The following PID1 variants were observed in gnomAD, a reference collection of about 807,000 sequenced individuals.
The protein encoded by PID1 is phosphotyrosine interaction domain containing 1.
In PID1, 10 loss-of-function variants were observed where a neutral mutation model predicts 19.1. That is an observed-to-expected ratio of 0.52 (90% CI 0.32 to 0.89). The LOEUF (loss-of-function observed/expected upper bound fraction) is 0.89. PID1 is among the 40% of genes least tolerant of loss of function. The pLI, the probability that PID1 is intolerant of heterozygous loss-of-function variation, is 0.03. For missense variants in PID1, 248 were observed against 285.3 expected (o/e 0.87, Z 0.94); for synonymous variants, 130 against 116.0 (o/e 1.12, Z -0.78).
At chr2:229,267,250 T>C (rs1251426970) in intron 1 of PID1, among the ~76,000 whole-genome samples, 1 of 152,182 alleles carries the variant, frequency 6.6e-6, no homozygotes, top group South Asian at 2.1e-4. Context: ...TTCTCCCTCT[T>C]GTGGAAGTGC....
chr2:229,187,614 G>T (rs1325410939), intron 1 of PID1, among the ~76,000 whole-genome samples: 1 of 152,024 alleles, frequency 6.6e-6, no homozygotes, highest in Non-Finnish European at 1.5e-5. Context: ...ACAATACCTG[G>T]GAATTCAAGA....
chr2:229,125,234 T>C (rs918611498), intron 2 of PID1, among the ~76,000 whole-genome samples: 11 of 152,184 alleles, frequency 7.2e-5, no homozygotes, highest in African/African-American at 2.7e-4. Flanking sequence ...ACATTCTAAA[T>C]GGAAGAGGCT....
At chr2:229,151,468 C>T (rs1312485680) in intron 2 of PID1, among the ~76,000 whole-genome samples, 1 of 152,124 alleles carries the variant, frequency 6.6e-6, no homozygotes, top group African/African-American at 2.4e-5. Context: ...TGGCTCTATG[C>T]CATGAAAAGT....
intron 1 of PID1, among the ~76,000 whole-genome samples, chr2:229,218,427 G>T (rs10498234): frequency 0.16 from 23,548 of 151,672 alleles, 2,129 homozygotes; most frequent in Admixed American, 0.25. Context: ...TGCACAAGTC[G>T]TAATCACAGA....
intron 2 of PID1, among the ~76,000 whole-genome samples, chr2:229,104,625 A>G (rs1695138409): frequency 6.6e-6 from 1 of 152,142 alleles, no homozygotes; most frequent in Admixed American, 6.5e-5. Flanking sequence ...ATCCCAACTT[A>G]GGCAGTGCTC....
chr2:229,031,173 G>C (rs1693543960), intron 2 of PID1, among the ~76,000 whole-genome samples: 1 of 129,896 alleles, frequency 7.7e-6, no homozygotes, highest in South Asian at 2.3e-4. Context: ...CTGAGATCGT[G>C]CTACTGCACT....
chr2:229,265,922 G>A lies in PID1; in HGVS notation c.30+5092C>T, dbSNP rs559474065. Among the ~76,000 whole-genome samples, 28 of 152,242 alleles carry A rather than the reference G, an allele frequency of 1.8e-4. No individual in the cohort carries two copies. The East Asian group carries it at 3.7e-3, about 20-fold the overall frequency. On this transcript the variant is annotated intron_variant, in intron 1 of 2. Coordinates refer to ENST00000392055, the MANE Select transcript of PID1 (RefSeq NM_001100818.2). Reference sequence around the variant, plus strand: ...CAAGATAACTCAGTACAGTCAACACGAAACAGCCATTAGGCCATGGTTAAG... The same window carrying A: ...CAAGATAACTCAGTACAGTCAACACAAAACAGCCATTAGGCCATGGTTAAG...
At chr2:229,095,266 G>T (rs1016130616) in intron 2 of PID1, among the ~76,000 whole-genome samples, 2 of 152,142 alleles carry the variant, frequency 1.3e-5, no homozygotes, top group African/African-American at 4.8e-5. Flanking sequence ...AGGCCAAAAT[G>T]AGGGAAAAAT....
intron 2 of PID1, among the ~76,000 whole-genome samples, chr2:229,041,237 G>A (rs1306280462): frequency 1.3e-5 from 2 of 152,108 alleles, no homozygotes; most frequent in Non-Finnish European, 2.9e-5. Context: ...ACATGGTCCT[G>A]GAACATCACG....
chr2:229,060,137 A>G (rs1694182709), intron 2 of PID1, among the ~76,000 whole-genome samples: 1 of 152,146 alleles, frequency 6.6e-6, no homozygotes, highest in African/African-American at 2.4e-5. Flanking sequence ...GAAAATATTT[A>G]AAGTCTACTT....
chr2:229,238,748 C>T (rs1559298825), intron 1 of PID1, among the ~76,000 whole-genome samples: 1 of 152,052 alleles, frequency 6.6e-6, no homozygotes, highest in South Asian at 2.1e-4. Context: ...AGGAGACAGG[C>T]ATTACCAGGC....
intron 1 of PID1, among the ~76,000 whole-genome samples, chr2:229,235,864 G>A (rs1226986): frequency 0.94 from 143,236 of 152,218 alleles, 67,957 homozygotes; most frequent in East Asian, 1. Context: ...CAGGCATCTC[G>A]GGACGGGGGG....
intron 2 of PID1, among the ~76,000 whole-genome samples, chr2:229,116,939 C>T (rs1028720640): frequency 6.6e-6 from 1 of 152,098 alleles, no homozygotes; most frequent in Admixed American, 6.5e-5. Context: ...TCAGTGATGA[C>T]CTCCTGTAAT....
intron 2 of PID1, among the ~76,000 whole-genome samples, chr2:229,149,137 T>G (rs1178569292): frequency 6.6e-6 from 1 of 151,786 alleles, no homozygotes. Flanking sequence ...CAAAAGAAAG[T>G]CTGTATAATT....
intron 1 of PID1, among the ~76,000 whole-genome samples, chr2:229,209,143 G>C (rs1481165097): frequency 6.6e-6 from 1 of 152,208 alleles, no homozygotes; most frequent in African/African-American, 2.4e-5. Flanking sequence ...AAAATGTCCT[G>C]ATCTTTTGGG....
At chr2:229,192,499 A>G (rs1691281963) in intron 1 of PID1, among the ~76,000 whole-genome samples, 2 of 152,248 alleles carry the variant, frequency 1.3e-5, no homozygotes, top group African/African-American at 4.8e-5. Flanking sequence ...ACAATAAAAA[A>G]GAAATTATTA....
chr2:229,247,752 A>T (rs991388636), intron 1 of PID1, among the ~76,000 whole-genome samples: 3 of 152,180 alleles, frequency 2.0e-5, no homozygotes, highest in African/African-American at 7.2e-5. Flanking sequence ...CCCTAAAACA[A>T]CTAGAAGTGA....
chr2:229,069,620 C>T (rs1694411408), intron 2 of PID1, among the ~76,000 whole-genome samples: 2 of 152,034 alleles, frequency 1.3e-5, no homozygotes, highest in African/African-American at 2.4e-5. Flanking sequence ...GAGAAATGCC[C>T]CATGTGTGAA....
intron 1 of PID1, among the ~76,000 whole-genome samples, chr2:229,245,403 T>C (rs1218196327): frequency 6.6e-6 from 1 of 152,172 alleles, no homozygotes; most frequent in Non-Finnish European, 1.5e-5. Flanking sequence ...CAACTTGTAT[T>C]GCCTTGCCTA....
Sources: gnomAD v4.1 joint callset for allele counts (sites outside exome capture counted in the v4.1 genomes callset) on GRCh38, gnomAD v4.1.1 for gene constraint, MANE v1.5 for transcripts, NCBI Gene and HGNC (gene_info 2026-07-23, HGNC 2026-07-21) for gene names.